The following AP4E1 variants were observed in gnomAD, a reference collection of about 807,000 sequenced individuals.
AP4E1 encodes adaptor related protein complex 4 subunit epsilon 1.
A neutral mutation model predicts 128.2 loss-of-function variants in AP4E1; 56 were observed. The ratio of observed to expected loss-of-function variants is 0.44; its 90% CI spans 0.35 to 0.55. The LOEUF (loss-of-function observed/expected upper bound fraction) is 0.55. Among genes scored for constraint, AP4E1 ranks in the 20% least tolerant of loss-of-function variants. The pLI, the probability that AP4E1 is intolerant of heterozygous loss-of-function variation, is 0.00. For missense variants in AP4E1, 1,324 were observed against 1,307.7 expected (o/e 1.01, Z -0.19); for synonymous variants, 484 against 473.1 (o/e 1.02, Z -0.30).
chr15:50,950,565 A>C (rs945423073), intron 13 of AP4E1, among the ~76,000 whole-genome samples: 2 of 152,192 alleles, frequency 1.3e-5, no homozygotes, highest in African/African-American at 4.8e-5. Context: ...CGTACCAGGC[A>C]CAGTGCTGAG....
chr15:50,960,181 C>A (rs1429499460), intron 14 of AP4E1, among the ~76,000 whole-genome samples: 2 of 152,138 alleles, frequency 1.3e-5, no homozygotes, highest in Non-Finnish European at 2.9e-5. Flanking sequence ...TAGTTGGAAA[C>A]CTTGACACAT....
At chr15:50,929,862 C>A (rs1020407111) in intron 6 of AP4E1, among the ~76,000 whole-genome samples, 1 of 151,700 alleles carries the variant, frequency 6.6e-6, no homozygotes, top group African/African-American at 2.4e-5. Flanking sequence ...TTTGAAAGAG[C>A]TTTATTTCCC....
chr15:50,978,370 A>G (rs1186733990), intron 15 of AP4E1, among the ~76,000 whole-genome samples: 4 of 152,200 alleles, frequency 2.6e-5, no homozygotes, highest in Non-Finnish European at 5.9e-5. Flanking sequence ...AAAATAAAAT[A>G]ACAATAATCA....
chr15:50,962,641 A>G lies in AP4E1; in HGVS notation c.1851+3847A>G, dbSNP rs1483719763. 2.6e-5 allele frequency among the ~76,000 whole-genome samples: 4 copies of G among 152,112 alleles called. No individual in the cohort carries two copies. The East Asian group carries it at 5.8e-4, about 22-fold the overall frequency. ...AGAATTTAATGTAAGATCCAAAACT[A>G]TAAAACTACTAGAAGAAAACTTAGA... On this transcript the variant is annotated intron_variant, in intron 14 of 20. Transcript: ENST00000261842.
At chr15:50,914,107 A>G (rs542502476) in intron 2 of AP4E1, among the ~76,000 whole-genome samples, 9 of 152,272 alleles carry the variant, frequency 5.9e-5, no homozygotes, top group East Asian at 1.9e-4. Context: ...GGAGTGAGTC[A>G]CTGTGCCCAG....
Position 50,988,709 on chromosome 15 carries a change from T to G in AP4E1, c.2090+4564T>G, listed in dbSNP as rs544582917. ...CTGGGAAAAGATAAAAGTTCAAAAT[T>G]TGAAGTATGGTTTCTGTGAAACTCT... On this transcript the variant is annotated intron_variant, in intron 16 of 20. Coordinates refer to ENST00000261842, the MANE Select transcript of AP4E1 (RefSeq NM_007347.5). Among the ~76,000 whole-genome samples the G allele has an allele frequency of 9.2e-5, 14 of 152,234 alleles. No homozygotes were observed. In the South Asian group the frequency reaches 2.7e-3, roughly 29 times the overall value.
At chr15:50,926,886 G>A (rs1314082240) in intron 5 of AP4E1, among the ~76,000 whole-genome samples, 4 of 152,234 alleles carry the variant, frequency 2.6e-5, no homozygotes, top group South Asian at 2.1e-4. Flanking sequence ...CACCATGCCC[G>A]GCCAACTTGT....
At chr15:50,924,066 C>G in intron 4 of AP4E1, 62 bp downstream of exon 4, 3 of 1,355,724 alleles carry the variant, frequency 2.2e-6, no homozygotes, top group Non-Finnish European at 3.2e-6. Flanking sequence ...GATATTTCTC[C>G]TCGATCATAT....
At chr15:50,923,862 T>G in intron 3 of AP4E1, 69 bp from the exon 4 acceptor site, 1 of 1,182,242 alleles carries the variant, frequency 8.5e-7, no homozygotes, top group Non-Finnish European at 1.3e-6. Flanking sequence ...CAGGACTGCT[T>G]TGTTTAACTT....
At chr15:50,908,479 T>C (rs564032677), upstream of AP4E1, 3 of 307,966 alleles carry the variant, frequency 9.7e-6, no homozygotes, top group South Asian at 2.8e-4. Flanking sequence ...CCCCGACGGC[T>C]TCCTCAGGAG....
At chr15:50,967,398 G>A (rs766941424) in intron 14 of AP4E1, among the ~76,000 whole-genome samples, 5 of 152,164 alleles carry the variant, frequency 3.3e-5, no homozygotes, top group African/African-American at 1.2e-4. Context: ...AGGAGAAGGC[G>A]AAGTAACAAC....
chr15:51,000,812 A>G (rs185570220), intron 19 of AP4E1, among the ~76,000 whole-genome samples: 71 of 152,292 alleles, frequency 4.7e-4, no homozygotes, highest in Middle Eastern at 3.4e-3. Context: ...TATTGAAATG[A>G]TATTTTAAAT....
At chr15:50,955,191 A>T (rs997312731) in intron 13 of AP4E1, among the ~76,000 whole-genome samples, 2 of 152,218 alleles carry the variant, frequency 1.3e-5, no homozygotes, top group Admixed American at 1.3e-4. Context: ...CTTTGGGTAT[A>T]TACCCAGTAA....
intron 2 of AP4E1, among the ~76,000 whole-genome samples, chr15:50,913,691 A>G (rs2063592401): frequency 6.6e-6 from 1 of 152,280 alleles, no homozygotes; most frequent in Non-Finnish European, 1.5e-5. Flanking sequence ...TTACAAATCT[A>G]GGGTTGAAAC....
At chr15:50,998,027 G>A in intron 18 of AP4E1, 144 bp downstream of exon 18, 1 of 651,162 alleles carries the variant, frequency 1.5e-6, no homozygotes, top group Non-Finnish European at 2.6e-6. Context: ...AGATTAAGGA[G>A]TAAGGATATT....
At chr15:50,907,984 G>A (rs2063510454), upstream of AP4E1, among the ~76,000 whole-genome samples, 1 of 152,224 alleles carries the variant, frequency 6.6e-6, no homozygotes, top group African/African-American at 2.4e-5. Flanking sequence ...GGGACTTGGA[G>A]ACCTATCCTT....
At chr15:50,998,206 A>G (rs1406750933) in intron 18 of AP4E1, among the ~76,000 whole-genome samples, 1 of 152,046 alleles carries the variant, frequency 6.6e-6, no homozygotes, top group African/African-American at 2.4e-5. Flanking sequence ...GTGGATTTAT[A>G]ATGAGATTTG....
intron 15 of AP4E1, among the ~76,000 whole-genome samples, chr15:50,983,176 A>G (rs764107883): frequency 2.6e-5 from 4 of 152,108 alleles, no homozygotes; most frequent in Non-Finnish European, 5.9e-5. Flanking sequence ...TTATTAAAAA[A>G]CCCAAGTTTC....
chr15:50,960,390 C>G (rs2064295530), intron 14 of AP4E1, among the ~76,000 whole-genome samples: 1 of 152,040 alleles, frequency 6.6e-6, no homozygotes, highest in Non-Finnish European at 1.5e-5. Flanking sequence ...AAAGTCTCAA[C>G]AAATTTGAAA....
Sources: allele counts gnomAD v4.1 joint callset (sites outside exome capture counted in the v4.1 genomes callset), GRCh38; gene constraint gnomAD v4.1.1; transcripts MANE v1.5; gene names NCBI Gene and HGNC (gene_info 2026-07-23, HGNC 2026-07-21).